SUPT3H: variants seen among roughly 807,000 people sequenced by gnomAD.
The protein encoded by SUPT3H is SPT3 homolog, SAGA and STAGA complex component.
A neutral mutation model predicts 44.3 loss-of-function variants in SUPT3H; 44 were observed. The ratio of observed to expected loss-of-function variants is 0.99; its 90% CI spans 0.78 to 1.28. The LOEUF is 1.28. Ranked by LOEUF, SUPT3H falls within the 50% of genes most tolerant of loss-of-function variation. SUPT3H has a pLI of 0.00. For missense variants in SUPT3H, 380 were observed against 387.1 expected (o/e 0.98, Z 0.15); for synonymous variants, 124 against 125.6 (o/e 0.99, Z 0.09).
chr6:45,371,521 C>A (rs1003545864), intron 1 of SUPT3H, among the ~76,000 whole-genome samples: 4 of 151,790 alleles, frequency 2.6e-5, no homozygotes, highest in African/African-American at 7.3e-5. Context: ...TAGCAGATAA[C>A]CTGAAATATT....
At chr6:45,130,352 A>C (rs1011387325) in intron 2 of SUPT3H, among the ~76,000 whole-genome samples, 1 of 152,154 alleles carries the variant, frequency 6.6e-6, no homozygotes, top group African/African-American at 2.4e-5. Context: ...TGTTATCACT[A>C]CATCATCCCT....
rs10670652 is a variant in SUPT3H, at chr6:44,958,872, G to GTTTTTTT, written c.580+2874_580+2880dup. 6.1e-5 allele frequency among the ~76,000 whole-genome samples: 6 copies of GTTTTTTT among 98,276 alleles called. 1 individual carries two copies. Among genetic ancestry groups the GTTTTTTT allele is most frequent in the South Asian group, 7.3e-4 (2 of 2,756 alleles). 64.5% of individuals were successfully genotyped at this position (98,276 alleles called of 152,430 possible). A position where few individuals can be genotyped will look rare whatever the true frequency, so the allele number is the denominator to read the frequency against. ...AGGAAAGTTTAAGTACTTATCAATG[G>GTTTTTTT]TTTTTTTTTTTTTTTTTTTTTGAGA... On this transcript the variant is annotated intron_variant, in intron 7 of 10. Coordinates refer to ENST00000371459, the MANE Select transcript of SUPT3H (RefSeq NM_003599.4).
At chr6:44,814,785 T>C (rs1766794335) in intron 11 of SUPT3H, among the ~76,000 whole-genome samples, 1 of 152,164 alleles carries the variant, frequency 6.6e-6, no homozygotes, top group South Asian at 2.1e-4. Context: ...CAAGCAATTC[T>C]CCTGCCTCAG....
At chr6:45,236,057 A>G (rs1408444390) in intron 2 of SUPT3H, among the ~76,000 whole-genome samples, 1 of 152,178 alleles carries the variant, frequency 6.6e-6, no homozygotes, top group African/African-American at 2.4e-5. Flanking sequence ...AATCTATAGA[A>G]ACAATGTTTA....
rs1335980636 is a variant in SUPT3H at position 45,017,532 on chromosome 6, A to G, written c.274-2641T>C. On this transcript the variant is annotated intron_variant, in intron 4 of 10. Transcript: ENST00000371459. ...TGAATTAATTTTTGTATAAGGAGTA[A>G]GGAAGGGATCCAGTTTCAGCTTTCT... Among the ~76,000 whole-genome samples, 21 of 152,268 alleles carry G rather than the reference A, an allele frequency of 1.4e-4. No individual in the cohort carries two copies. The Middle Eastern group carries it at 0.01, about 74-fold the overall frequency.
intron 2 of SUPT3H, among the ~76,000 whole-genome samples, chr6:45,246,431 G>C (rs1771355859): frequency 6.6e-6 from 1 of 152,070 alleles, no homozygotes; most frequent in African/African-American, 2.4e-5. Context: ...TATCAACACA[G>C]GTGAACTTTT....
At chr6:44,961,018 T>C (rs888337366) in intron 7 of SUPT3H, among the ~76,000 whole-genome samples, 2 of 152,192 alleles carry the variant, frequency 1.3e-5, no homozygotes, top group African/African-American at 4.8e-5. Context: ...ACCATGGTCA[T>C]GTGCTACTTT....
chr6:44,864,308 T>C lies in SUPT3H; in HGVS notation c.913-34451A>G, dbSNP rs147165878. 1.9e-3 allele frequency among the ~76,000 whole-genome samples: 285 copies of C among 152,324 alleles called. 2 individuals carry two copies. Among genetic ancestry groups the C allele is most frequent in the Middle Eastern group, 0.01 (3 of 294 alleles). On this transcript the variant is annotated intron_variant, in intron 10 of 10. Transcript: ENST00000371459. ...TAGAAACTGGCTAAAACAAAGGGGC[T>C]ACTGGCCCCATGGTGCAAGCTGTCA...
intron 10 of SUPT3H, among the ~76,000 whole-genome samples, chr6:44,932,244 C>T (rs1338115752): frequency 6.6e-6 from 1 of 152,152 alleles, no homozygotes; most frequent in East Asian, 1.9e-4. Flanking sequence ...AGAAATATCT[C>T]TTCTTCTTCC....
chr6:45,222,953 A>G (rs1345042901), intron 2 of SUPT3H, among the ~76,000 whole-genome samples: 4 of 152,286 alleles, frequency 2.6e-5, no homozygotes, highest in African/African-American at 9.6e-5. Flanking sequence ...AATATTACAT[A>G]TTGTAATCCA....
chr6:45,249,986 G>C (rs557396667), intron 2 of SUPT3H, among the ~76,000 whole-genome samples: 1 of 152,218 alleles, frequency 6.6e-6, no homozygotes, highest in Admixed American at 6.5e-5. Flanking sequence ...TTCCTGTTTG[G>C]AGAAATGTTC....
intron 2 of SUPT3H, among the ~76,000 whole-genome samples, chr6:45,332,154 G>T (rs558846936): frequency 6.6e-6 from 1 of 151,674 alleles, no homozygotes; most frequent in African/African-American, 2.4e-5. Context: ...CACACTGGTG[G>T]TCCTCAAGTA....
In SUPT3H at chr6:45,186,823, A is replaced by C. The variant is rs557645010; in HGVS notation, c.102-80817T>G. On this transcript the variant is annotated intron_variant, in intron 2 of 10. Transcript: ENST00000371459. ...GGTGTCCTTCCTATACTCAGAGGAA[A>C]GGAACATCCTGATTTCTGATGATTT... Among the ~76,000 whole-genome samples, 81 of 152,278 alleles carry C rather than the reference A, an allele frequency of 5.3e-4. 1 individual carries two copies. In the South Asian group the frequency reaches 0.016, roughly 30 times the overall value.
chr6:45,311,141 A>T (rs1294637567), intron 2 of SUPT3H, among the ~76,000 whole-genome samples: 1 of 152,200 alleles, frequency 6.6e-6, no homozygotes, highest in African/African-American at 2.4e-5. Flanking sequence ...AATGCTCTGG[A>T]AAGTCTCAGC....
At chr6:44,872,850 T>G (rs1776651979) in intron 10 of SUPT3H, among the ~76,000 whole-genome samples, 1 of 24,730 alleles carries the variant, frequency 4.0e-5, no homozygotes, top group African/African-American at 1.2e-4. Flanking sequence ...GTTGCAATCC[T>G]AGTCTCTGAT....
chr6:45,040,531 G>A lies in SUPT3H; in HGVS notation c.187-19899C>T, dbSNP rs1788370326. Among the ~76,000 whole-genome samples the A allele has an allele frequency of 1.3e-5, 2 of 152,148 alleles. 1 individual carries two copies. The highest frequency in any genetic ancestry group is 4.1e-4 in the South Asian group (2 of 4,836). ...ACAGTTAATTGCAAATTATATACTTGCAAAGTCCTGTTTTCTCCTAATGCT... is the reference window on the plus strand; with the variant it reads ...ACAGTTAATTGCAAATTATATACTTACAAAGTCCTGTTTTCTCCTAATGCT... On this transcript the variant is annotated intron_variant, in intron 3 of 10. Coordinates refer to ENST00000371459, the MANE Select transcript of SUPT3H (RefSeq NM_003599.4).
At position 45,138,477 on chromosome 6, in the gene SUPT3H, A is replaced by AT. The variant is rs548614899; in HGVS notation, c.102-32472dup. On this transcript the variant is annotated intron_variant, in intron 2 of 10. Transcript: ENST00000371459. ...AAATGTCCATCAACTGGTGAATGCG[A>AT]TAAAAAAAATATGGCACGTCCATAC... is the stretch of plus-strand genomic sequence containing the variant. Among the ~76,000 whole-genome samples the AT allele has an allele frequency of 3.6e-3, 541 of 152,314 alleles. 3 individuals carry two copies. The highest frequency in any genetic ancestry group is 0.012 in the African/African-American group (517 of 41,574).
rs188119395 is a variant in SUPT3H, at chr6:45,142,798, C to T, written c.102-36792G>A. Among the ~76,000 whole-genome samples the T allele has an allele frequency of 5.6e-4, 65 of 116,750 alleles. 1 individual carries two copies. The highest frequency in any genetic ancestry group is 9.5e-4 in the Non-Finnish European group (54 of 57,018). The allele number at this position is 116,750 out of a possible 152,430, so 76.6% of individuals were successfully genotyped here. A position where few individuals can be genotyped will look rare whatever the true frequency, so the allele number is the denominator to read the frequency against. ...GCAGAATGCATAAAAATCCACTAAC[C>T]AAGTATCTACTGTCTTCAAGAGACT... On this transcript the variant is annotated intron_variant, in intron 2 of 10. Transcript: ENST00000371459.
chr6:45,034,443 A>T (rs962853344), intron 3 of SUPT3H, among the ~76,000 whole-genome samples: 1 of 152,200 alleles, frequency 6.6e-6, no homozygotes, highest in African/African-American at 2.4e-5. Flanking sequence ...TTAGTGTCAT[A>T]TAAGTCTTTA....
Sources: gnomAD v4.1 joint callset for allele counts (sites outside exome capture counted in the v4.1 genomes callset) on GRCh38, gnomAD v4.1.1 for gene constraint, MANE v1.5 for transcripts, NCBI Gene and HGNC (gene_info 2026-07-23, HGNC 2026-07-21) for gene names.